UBE2U: variants seen among roughly 807,000 people sequenced by gnomAD.
UBE2U encodes ubiquitin-conjugating enzyme E2 U.
A neutral mutation model predicts 41.2 loss-of-function variants in UBE2U; 39 were observed. The observed-to-expected ratio is 0.95, with a 90% CI of 0.73 to 1.24. The LOEUF (loss-of-function observed/expected upper bound fraction) is 1.24, where lower values mean the gene tolerates loss of function less well. UBE2U is among the 50% of genes most tolerant of loss of function. The pLI, the probability that UBE2U is intolerant of heterozygous loss-of-function variation, is 0.00. For missense variants in UBE2U, 336 were observed against 363.1 expected (o/e 0.93, Z 0.61); for synonymous variants, 107 against 117.8 (o/e 0.91, Z 0.60).
At chr1:64,238,989 C>T (rs1239260868) in intron 7 of UBE2U, among the ~76,000 whole-genome samples, 1 of 150,076 alleles carries the variant, frequency 6.7e-6, no homozygotes, top group Non-Finnish European at 1.5e-5. Context: ...TGGCAGTGAG[C>T]GATGATCATG....
rs146341594 is a variant in UBE2U, at chr1:64,215,819, G to GCT, written c.457+898_457+899dup. ...TCCATTGCCTCCATTGCCCCTGTGC[G>GCT]CTCTCTCTCTCTTTCTCTCCAGGTA... is the stretch of plus-strand genomic sequence containing the variant. On this transcript the variant is annotated intron_variant, in intron 5 of 9. Transcript: ENST00000371077. Among the ~76,000 whole-genome samples the GCT allele has an allele frequency of 5.1e-4, 78 of 151,746 alleles. 2 individuals are homozygous for GCT. The East Asian group carries it at 0.015, about 29-fold the overall frequency.
chr1:64,253,120 ACAAGTAT>A (rs1341943799), intron 8 of UBE2U, among the ~76,000 whole-genome samples: 1 of 152,222 alleles, frequency 6.6e-6, no homozygotes, highest in East Asian at 1.9e-4. Context: ...CAACGCAATC[ACAAGTAT>A]CAATAGCAGA....
At chr1:64,228,407 C>T (rs547237878) in intron 6 of UBE2U, among the ~76,000 whole-genome samples, 5 of 152,204 alleles carry the variant, frequency 3.3e-5, no homozygotes, top group African/African-American at 1.2e-4. Flanking sequence ...TTTTACTGGA[C>T]CCAAACTTTG....
At chr1:64,254,426 C>A (rs1472798527) in intron 8 of UBE2U, among the ~76,000 whole-genome samples, 1 of 152,100 alleles carries the variant, frequency 6.6e-6, no homozygotes, top group Non-Finnish European at 1.5e-5. Context: ...GATATCTACA[C>A]AACTCTCCAC....
chr1:64,261,178 T>C (rs1645175349), intron 9 of UBE2U, among the ~76,000 whole-genome samples: 1 of 152,162 alleles, frequency 6.6e-6, no homozygotes, highest in South Asian at 2.1e-4. Context: ...TAACTTACCA[T>C]GGAAGTCAGC....
intron 8 of UBE2U, among the ~76,000 whole-genome samples, chr1:64,259,681 CA>C (rs1313929815): frequency 1.3e-5 from 2 of 151,908 alleles, no homozygotes; most frequent in African/African-American, 4.8e-5. Flanking sequence ...TTATGTACCC[CA>C]AAAAGTAGTC....
rs888785387 is a variant in UBE2U at position 64,267,350 on chromosome 1, A to G, written c.*142A>G. The G allele has an allele frequency of 3.0e-6, 2 of 667,556 alleles. No homozygotes were observed. Among genetic ancestry groups the G allele is most frequent in the Admixed American group, 3.7e-5 (1 of 27,364 alleles). The allele number at this position is 667,556 out of a possible 1,614,324, so 41.4% of individuals were successfully genotyped here. A position where few individuals can be genotyped will look rare whatever the true frequency, so the allele number is the denominator to read the frequency against. ...CTCACTGCAAGTACAAATTAGAAAT[A>G]TAAGTACAAATCAGTAAAGATGTTG... On this transcript the variant is annotated 3_prime_UTR_variant, in exon 10 of 10. Transcript: ENST00000371077.
chr1:64,259,478 T>C (rs959309772), intron 8 of UBE2U, among the ~76,000 whole-genome samples: 6 of 152,062 alleles, frequency 3.9e-5, no homozygotes, highest in Non-Finnish European at 7.4e-5. Context: ...AGTCTTTAAT[T>C]CATCTTGAAT....
chr1:64,230,534 C>T (rs1644543576), intron 6 of UBE2U, among the ~76,000 whole-genome samples: 1 of 152,134 alleles, frequency 6.6e-6, no homozygotes, highest in African/African-American at 2.4e-5. Flanking sequence ...TATGTGCACG[C>T]CATGCTCTCT....
chr1:64,258,996 T>C (rs940472075), intron 8 of UBE2U, among the ~76,000 whole-genome samples: 1 of 152,218 alleles, frequency 6.6e-6, no homozygotes, highest in African/African-American at 2.4e-5. Flanking sequence ...GTTTCCTGAC[T>C]TTTTAATGAT....
At chr1:64,255,217 C>T (rs1002630991) in intron 8 of UBE2U, among the ~76,000 whole-genome samples, 1 of 151,812 alleles carries the variant, frequency 6.6e-6, no homozygotes, top group Non-Finnish European at 1.5e-5. Context: ...AAGACTGAAC[C>T]GGGAAGAAAT....
intron 1 of UBE2U, 67 bp from the exon 2 acceptor site, chr1:64,205,572 T>A: frequency 7.4e-7 from 1 of 1,345,860 alleles, no homozygotes; most frequent in Non-Finnish European, 1.0e-6. Flanking sequence ...ACCTGGTATA[T>A]GATTTTCAAA....
At chr1:64,254,750 G>T (rs1427596738) in intron 8 of UBE2U, among the ~76,000 whole-genome samples, 1 of 152,122 alleles carries the variant, frequency 6.6e-6, no homozygotes, top group Non-Finnish European at 1.5e-5. Flanking sequence ...TGATGTACCA[G>T]AGTCTCTGGG....
At chr1:64,216,221 T>C (rs1027269746) in intron 5 of UBE2U, among the ~76,000 whole-genome samples, 2 of 152,196 alleles carry the variant, frequency 1.3e-5, no homozygotes, top group Non-Finnish European at 2.9e-5. Context: ...GACAAAGTTC[T>C]TGGGGGAGCT....
intron 3 of UBE2U, among the ~76,000 whole-genome samples, chr1:64,209,982 A>C (rs916545218): frequency 5.3e-5 from 8 of 152,172 alleles, no homozygotes; most frequent in Non-Finnish European, 1.2e-4. Flanking sequence ...ATTGTCCTAG[A>C]TGTTGCAAAT....
At chr1:64,212,772 A>T (rs1293489744) in intron 4 of UBE2U, among the ~76,000 whole-genome samples, 1 of 152,106 alleles carries the variant, frequency 6.6e-6, no homozygotes, top group Non-Finnish European at 1.5e-5. Context: ...AAAAGTTTTG[A>T]ATTCTGGGGT....
chr1:64,213,583 C>T (rs1651789993), intron 4 of UBE2U, among the ~76,000 whole-genome samples: 1 of 152,078 alleles, frequency 6.6e-6, no homozygotes, highest in African/African-American at 2.4e-5. Context: ...TGCAAGCTCC[C>T]CAAAATCAGG....
chr1:64,239,361 A>T (rs1644793346), intron 7 of UBE2U, among the ~76,000 whole-genome samples: 1 of 152,122 alleles, frequency 6.6e-6, no homozygotes, highest in Middle Eastern at 3.4e-3. Context: ...CCTTAAACAT[A>T]GTAGGGTTTT....
At chr1:64,218,478 C>T (rs1405292335) in intron 5 of UBE2U, among the ~76,000 whole-genome samples, 2 of 152,106 alleles carry the variant, frequency 1.3e-5, no homozygotes, top group African/African-American at 4.8e-5. Context: ...TAATAGGAAT[C>T]AGTTTTTAAT....
Sources: allele counts gnomAD v4.1 joint callset (sites outside exome capture counted in the v4.1 genomes callset), GRCh38; gene constraint gnomAD v4.1.1; transcripts MANE v1.5; gene names NCBI Gene and HGNC (gene_info 2026-07-23, HGNC 2026-07-21).